The following CSMD1 variants were observed in gnomAD, a reference collection of about 807,000 sequenced individuals.
The protein encoded by CSMD1 is CUB and sushi domain-containing protein 1.
In CSMD1, 213 loss-of-function variants were observed where a neutral mutation model predicts 417.5. The ratio of observed to expected loss-of-function variants is 0.51; its 90% CI spans 0.46 to 0.57. The LOEUF (loss-of-function observed/expected upper bound fraction) is 0.57, where lower values mean the gene tolerates loss of function less well. CSMD1 is among the 20% of genes least tolerant of loss of function. The pLI is 0.00. For missense variants in CSMD1, 6,923 were observed against 4,529.7 expected (o/e 1.53, Z -15.17); for synonymous variants, 2,862 against 1,736.8 (o/e 1.65, Z -16.11).
intron 22 of CSMD1, among the ~76,000 whole-genome samples, chr8:3,344,008 A>G (rs896479650): frequency 6.6e-6 from 1 of 152,186 alleles, no homozygotes; most frequent in Admixed American, 6.5e-5. Context: ...CTCATCATGC[A>G]ATAGTAATAC....
At chr8:4,641,507 T>G (rs575913298) in intron 1 of CSMD1, among the ~76,000 whole-genome samples, 1 of 152,192 alleles carries the variant, frequency 6.6e-6, no homozygotes, top group Admixed American at 6.5e-5. Context: ...ACATATACTC[T>G]TTGTTGACCG....
chr8:4,197,960 G>A (rs1433433123), intron 3 of CSMD1, among the ~76,000 whole-genome samples: 2 of 152,114 alleles, frequency 1.3e-5, no homozygotes, highest in African/African-American at 2.4e-5. Context: ...TCTATTCATT[G>A]GCTTGACTCT....
intron 49 of CSMD1, among the ~76,000 whole-genome samples, chr8:3,054,983 A>G (rs1299164100): frequency 6.6e-6 from 1 of 151,922 alleles, no homozygotes; most frequent in Non-Finnish European, 1.5e-5. Context: ...CTTCCTCATC[A>G]TTTTCTCTCA....
At chr8:3,638,245 C>T (rs1056592846) in intron 7 of CSMD1, among the ~76,000 whole-genome samples, 2 of 152,030 alleles carry the variant, frequency 1.3e-5, no homozygotes, top group Non-Finnish European at 2.9e-5. Context: ...AGAAAAAATT[C>T]TATAGATAAA....
At chr8:4,512,377 A>G (rs1283205106) in intron 2 of CSMD1, among the ~76,000 whole-genome samples, 3 of 152,214 alleles carry the variant, frequency 2.0e-5, no homozygotes, top group Admixed American at 2.0e-4. Context: ...AGAGCAGGAA[A>G]CAAGGCACAA....
In CSMD1 at chr8:3,518,232, A is replaced by G. The variant is rs531182227; in HGVS notation, c.1345-24506T>C. On this transcript the variant is annotated intron_variant, in intron 10 of 69. Coordinates refer to ENST00000635120, the MANE Select transcript of CSMD1 (RefSeq NM_033225.6). ...TATTTTTTAATCTTTTTGTAGTTTT[A>G]ATTTTCCTTCATAAATATGTTTCTT... Among the ~76,000 whole-genome samples the G allele has an allele frequency of 1.7e-4, 26 of 152,314 alleles. 1 individual carries two copies. Among genetic ancestry groups the G allele is most frequent in the African/African-American group, 5.8e-4 (24 of 41,580 alleles).
chr8:3,838,832 A>T (rs1202922044), intron 5 of CSMD1, among the ~76,000 whole-genome samples: 2 of 51,970 alleles, frequency 3.8e-5, no homozygotes, highest in African/African-American at 1.2e-4. Context: ...TTAATATATA[A>T]TATTAATTAT....
chr8:4,707,224 C>T (rs758807928), intron 1 of CSMD1, among the ~76,000 whole-genome samples: 25 of 152,172 alleles, frequency 1.6e-4, no homozygotes, highest in Non-Finnish European at 3.1e-4. Flanking sequence ...GCTTTCTATA[C>T]ATTATCTCAT....
At chr8:4,792,452 C>T (rs200319968) in intron 1 of CSMD1, among the ~76,000 whole-genome samples, 2 of 152,186 alleles carry the variant, frequency 1.3e-5, no homozygotes, top group East Asian at 1.9e-4. Flanking sequence ...TATCTTTGAA[C>T]TCATCAGCTG....
intron 1 of CSMD1, among the ~76,000 whole-genome samples, chr8:4,962,397 G>C (rs1419052979): frequency 6.6e-6 from 1 of 151,842 alleles, no homozygotes; most frequent in Non-Finnish European, 1.5e-5. Context: ...TTTGTGTAGA[G>C]ACAGGGTCTT....
chr8:3,567,055 G>T (rs561621916), intron 10 of CSMD1, among the ~76,000 whole-genome samples: 1 of 152,320 alleles, frequency 6.6e-6, no homozygotes, highest in African/African-American at 2.4e-5. Flanking sequence ...ACTGGATAAA[G>T]AAAATTGGTA....
chr8:4,279,890 C>A (rs535643743), intron 3 of CSMD1, among the ~76,000 whole-genome samples: 1 of 152,164 alleles, frequency 6.6e-6, no homozygotes, highest in African/African-American at 2.4e-5. Flanking sequence ...CCAACTGCGT[C>A]AAAAGCTTGT....
In CSMD1 at chr8:3,159,086, G is replaced by A. The variant is rs186944472; in HGVS notation, c.5845-1120C>T. 3.4e-3 allele frequency among the ~76,000 whole-genome samples: 521 copies of A among 152,122 alleles called. 2 individuals are homozygous for A. The highest frequency in any genetic ancestry group is 0.012 in the African/African-American group (510 of 41,514). On this transcript the variant is annotated intron_variant, in intron 38 of 69. Coordinates refer to ENST00000635120, the MANE Select transcript of CSMD1 (RefSeq NM_033225.6). ...TACTCCAGGTAATTTTGTGCTGCCG[G>A]CATTGACACTCTCTGTATCCCCATT... is the stretch of plus-strand genomic sequence containing the variant.
chr8:3,134,545 C>T (rs1409801720), intron 41 of CSMD1, among the ~76,000 whole-genome samples: 1 of 152,306 alleles, frequency 6.6e-6, no homozygotes, highest in African/African-American at 2.4e-5. Flanking sequence ...CCACAGTGGC[C>T]GTTCTGCAGC....
chr8:4,405,080 A>G (rs539005551), intron 3 of CSMD1, among the ~76,000 whole-genome samples: 2 of 152,320 alleles, frequency 1.3e-5, no homozygotes, highest in African/African-American at 2.4e-5. Flanking sequence ...TGCTGCATCC[A>G]TGGTACAGCG....
chr8:3,157,634 G>C (rs1417789169), intron 39 of CSMD1, among the ~76,000 whole-genome samples: 1 of 152,202 alleles, frequency 6.6e-6, no homozygotes. Flanking sequence ...ATGTCGTTTT[G>C]GTGCAGGGCC....
chr8:4,496,242 T>C (rs1415774359), intron 2 of CSMD1, among the ~76,000 whole-genome samples: 3 of 152,180 alleles, frequency 2.0e-5, no homozygotes, highest in South Asian at 2.1e-4. Flanking sequence ...AACCTGAGTT[T>C]TGCTATCTGT....
intron 3 of CSMD1, among the ~76,000 whole-genome samples, chr8:4,121,091 T>A (rs1563150228): frequency 2.0e-5 from 3 of 151,702 alleles, no homozygotes; most frequent in Non-Finnish European, 2.9e-5. Flanking sequence ...GTATTTTTAT[T>A]TTATTTTTTA....
intron 1 of CSMD1, among the ~76,000 whole-genome samples, chr8:4,701,322 T>TG (rs1807529921): frequency 6.8e-6 from 1 of 148,042 alleles, no homozygotes; most frequent in Non-Finnish European, 1.5e-5. Context: ...TGATGCTTTT[T>TG]TTTTTTTTAA....
Sources: gnomAD v4.1 joint callset for allele counts (sites outside exome capture counted in the v4.1 genomes callset) on GRCh38, gnomAD v4.1.1 for gene constraint, MANE v1.5 for transcripts, NCBI Gene and HGNC (gene_info 2026-07-23, HGNC 2026-07-21) for gene names.